Variants in NTM observed in about 807,000 individuals in gnomAD.
The protein encoded by NTM is neurotrimin, also known as IgLON family member 2.
NTM carries 13 observed loss-of-function variants against 42.1 expected under a neutral mutation model. The observed-to-expected ratio is 0.31, with a 90% CI of 0.20 to 0.49. The LOEUF (loss-of-function observed/expected upper bound fraction) is 0.49, where lower values mean the gene tolerates loss of function less well. NTM is among the 20% of genes least tolerant of loss of function. The pLI is 0.99. For synonymous variants in NTM, 187 were observed against 179.2 expected (o/e 1.04, Z -0.35); for missense variants, 373 against 452.8 (o/e 0.82, Z 1.60).
intron 1 of NTM, among the ~76,000 whole-genome samples, chr11:131,648,807 A>G (rs1290243376): frequency 6.6e-6 from 1 of 152,214 alleles, no homozygotes; most frequent in Non-Finnish European, 1.5e-5. Flanking sequence ...TATACTTACT[A>G]AAGGGTGGGA....
At chr11:131,809,390 A>G (rs1206667340) in intron 1 of NTM, among the ~76,000 whole-genome samples, 1 of 152,130 alleles carries the variant, frequency 6.6e-6, no homozygotes, top group East Asian at 1.9e-4. Flanking sequence ...CTGCATCTAG[A>G]CTTCCCTGTC....
intron 1 of NTM, among the ~76,000 whole-genome samples, chr11:131,693,742 A>G (rs2075082790): frequency 1.3e-5 from 2 of 152,174 alleles, no homozygotes; most frequent in African/African-American, 4.8e-5. Flanking sequence ...GGCTGCAGAG[A>G]CAAAGCCTCG....
chr11:131,895,241 G>C (rs2052077531), intron 1 of NTM, among the ~76,000 whole-genome samples: 1 of 152,142 alleles, frequency 6.6e-6, no homozygotes, highest in Admixed American at 6.5e-5. Context: ...CAGCAGAAAT[G>C]TAGGTCAGCC....
intron 1 of NTM, among the ~76,000 whole-genome samples, chr11:131,661,561 C>T (rs930156684): frequency 6.6e-6 from 1 of 152,100 alleles, no homozygotes; most frequent in African/African-American, 2.4e-5. Flanking sequence ...GCCTGGTCGC[C>T]GAGGCTGAAA....
At chr11:131,618,981 C>T (rs1369623819) in intron 1 of NTM, among the ~76,000 whole-genome samples, 1 of 152,080 alleles carries the variant, frequency 6.6e-6, no homozygotes, top group Admixed American at 6.5e-5. Context: ...GACAAAAATC[C>T]TGTGAATAAA....
intron 2 of NTM, among the ~76,000 whole-genome samples, chr11:132,113,763 C>T (rs1041556939): frequency 6.6e-6 from 1 of 152,166 alleles, no homozygotes; most frequent in South Asian, 2.1e-4. Context: ...TTCCAGAGTA[C>T]AGTTGTGCTT....
Position 131,565,118 on chromosome 11 carries a change from C to A in NTM, c.82+194230C>A, listed in dbSNP as rs1877844. Reference sequence around the variant, plus strand: ...TGAGGGAGCTGCAGACACCCTGGCGCGCATGTTGGTGGTCTGCTCACCCCA... The same window carrying A: ...TGAGGGAGCTGCAGACACCCTGGCGAGCATGTTGGTGGTCTGCTCACCCCA... On this transcript the variant is annotated intron_variant, in intron 1 of 8. Transcript: ENST00000683400. Among the ~76,000 whole-genome samples the A allele has an allele frequency of 3.9e-5, 6 of 152,278 alleles. No individual in the cohort carries two copies. The East Asian group carries it at 7.7e-4, about 20-fold the overall frequency.
chr11:131,485,448 A>G (rs1424965591), intron 1 of NTM, among the ~76,000 whole-genome samples: 1 of 152,162 alleles, frequency 6.6e-6, no homozygotes, highest in Non-Finnish European at 1.5e-5. Context: ...ATCCAATCTA[A>G]TCTCAACAAC....
chr11:131,852,368 C>T (rs1442947574), intron 1 of NTM, among the ~76,000 whole-genome samples: 1 of 152,198 alleles, frequency 6.6e-6, no homozygotes. Flanking sequence ...CAGAGGCTCC[C>T]ACACACTTAA....
chr11:131,731,266 C>T (rs1167443661), intron 1 of NTM, among the ~76,000 whole-genome samples: 1 of 152,128 alleles, frequency 6.6e-6, no homozygotes, highest in Non-Finnish European at 1.5e-5. Context: ...TGTACCTTCT[C>T]TTCATTATGT....
At chr11:132,229,362 C>G (rs1399009171) in intron 4 of NTM, among the ~76,000 whole-genome samples, 3 of 152,194 alleles carry the variant, frequency 2.0e-5, no homozygotes, top group Admixed American at 6.5e-5. Context: ...AACCTGGTTC[C>G]AGAGGTTTCA....
chr11:132,056,118 G>A (rs946407127), intron 2 of NTM, among the ~76,000 whole-genome samples: 3 of 152,186 alleles, frequency 2.0e-5, no homozygotes, highest in African/African-American at 4.8e-5. Context: ...CAGATTAATT[G>A]GAAATGATAA....
At chr11:132,192,337 C>T (rs2079444846) in intron 3 of NTM, among the ~76,000 whole-genome samples, 1 of 152,052 alleles carries the variant, frequency 6.6e-6, no homozygotes, top group African/African-American at 2.4e-5. Context: ...ACAAACAAGC[C>T]AAAAGAAATT....
chr11:131,453,702 G>T (rs1245026490), intron 1 of NTM, among the ~76,000 whole-genome samples: 2 of 152,208 alleles, frequency 1.3e-5, no homozygotes, highest in Admixed American at 6.5e-5. Flanking sequence ...ACTGTCTAAA[G>T]TTCCCAAACC....
intron 1 of NTM, among the ~76,000 whole-genome samples, chr11:131,416,264 A>T (rs1591606110): frequency 6.6e-6 from 1 of 151,746 alleles, no homozygotes; most frequent in Admixed American, 6.6e-5. Context: ...TTATTTCCAA[A>T]CCCCTTTCTA....
intron 1 of NTM, among the ~76,000 whole-genome samples, chr11:131,812,523 A>G (rs1046767677): frequency 6.6e-6 from 1 of 151,336 alleles, no homozygotes; most frequent in Non-Finnish European, 1.5e-5. Flanking sequence ...CCTCCATACA[A>G]TGTACACCAG....
chr11:132,147,910 C>T (rs2070913606), intron 3 of NTM, among the ~76,000 whole-genome samples: 1 of 152,176 alleles, frequency 6.6e-6, no homozygotes, highest in African/African-American at 2.4e-5. Flanking sequence ...TGCTGTTTGA[C>T]AGTAGGGGAA....
At chr11:132,130,214 A>C (rs960967027) in intron 2 of NTM, among the ~76,000 whole-genome samples, 4 of 152,200 alleles carry the variant, frequency 2.6e-5, no homozygotes, top group African/African-American at 9.7e-5. Context: ...TCTAGAAATC[A>C]GATGAGTAGC....
intron 4 of NTM, among the ~76,000 whole-genome samples, chr11:132,242,094 G>A (rs1381537220): frequency 1.3e-5 from 2 of 152,154 alleles, no homozygotes; most frequent in African/African-American, 2.4e-5. Flanking sequence ...TTTTTCTCAC[G>A]TTTGTTTGTC....
Sources: allele counts gnomAD v4.1 joint callset (sites outside exome capture counted in the v4.1 genomes callset), GRCh38; gene constraint gnomAD v4.1.1; transcripts MANE v1.5; gene names NCBI Gene and HGNC (gene_info 2026-07-23, HGNC 2026-07-21).